The following EGFR variants were observed in gnomAD, a reference collection of about 807,000 sequenced individuals.
EGFR encodes avian erythroblastic leukemia viral (v-erb-b) oncogene homolog.
In EGFR, 58 loss-of-function variants were observed where a neutral mutation model predicts 143.0. The ratio of observed to expected loss-of-function variants is 0.41; its 90% CI spans 0.33 to 0.50. The LOEUF (loss-of-function observed/expected upper bound fraction) is 0.50. Ranked by LOEUF, EGFR falls within the 20% of genes least tolerant of loss-of-function variation. EGFR has a pLI of 0.39. For synonymous variants in EGFR, 613 were observed against 594.4 expected, an observed-to-expected ratio of 1.03 and a Z score of -0.45; for missense variants, 1,307 against 1,579.0, an observed-to-expected ratio of 0.83 and a Z score of 2.92.
At chr7:55,160,045 T>A (rs937340532) in intron 11 of EGFR, 94 bp from the exon 12 acceptor site, 14 of 1,315,264 alleles carry the variant, frequency 1.1e-5, no homozygotes, top group African/African-American at 1.5e-5. Context: ...AAGCAGTTTG[T>A]AGTCAATCAA....
At chr7:55,154,858 T>A (rs1785331674) in intron 7 of EGFR, among the ~76,000 whole-genome samples, 1 of 152,016 alleles carries the variant, frequency 6.6e-6, no homozygotes, top group Admixed American at 6.5e-5. Flanking sequence ...AGAACAATTA[T>A]GAGGGGGAGA....
chr7:55,032,417 A>G (rs1425613493), intron 1 of EGFR, among the ~76,000 whole-genome samples: 2 of 152,188 alleles, frequency 1.3e-5, no homozygotes, highest in East Asian at 3.8e-4. Flanking sequence ...TTTCAAAAAG[A>G]GTTTGCTCCC....
At chr7:55,045,344 T>A (rs1383397156) in intron 1 of EGFR, among the ~76,000 whole-genome samples, 3 of 152,320 alleles carry the variant, frequency 2.0e-5, no homozygotes, top group African/African-American at 7.2e-5. Flanking sequence ...TTAAAATAAA[T>A]TACGTATATT....
chr7:55,185,624 T>G (rs1322935716), intron 20 of EGFR, among the ~76,000 whole-genome samples: 1 of 152,234 alleles, frequency 6.6e-6, no homozygotes, highest in East Asian at 1.9e-4. Flanking sequence ...CATCACCTAA[T>G]GCAGATTACA....
In EGFR at chr7:55,156,836, T is replaced by TAA. The variant is rs747216672; in HGVS notation, c.1207+4_1207+5insAA. The TAA allele has an allele frequency of 6.2e-7, 1 of 1,614,246 alleles. No homozygotes were observed. Among genetic ancestry groups the TAA allele is most frequent in the East Asian group, 2.2e-5 (1 of 44,888 alleles). On this transcript the variant is annotated splice_donor_region_variant and intron_variant, in intron 10 of 27. Transcript: ENST00000275493. ...AAAACCGTAAAGGAAATCACAGGTT[T>TAA]GAGCTGAATTATCACATGAATATAA...
intron 7 of EGFR, among the ~76,000 whole-genome samples, chr7:55,155,059 C>T (rs1219927693): frequency 2.0e-5 from 3 of 152,186 alleles, no homozygotes. Flanking sequence ...ACACTTCGAG[C>T]CTGAGATACC....
At chr7:55,033,753 C>T (rs1362695972) in intron 1 of EGFR, among the ~76,000 whole-genome samples, 2 of 152,164 alleles carry the variant, frequency 1.3e-5, no homozygotes, top group African/African-American at 4.8e-5. Flanking sequence ...CTTTGGTGAC[C>T]ATCCCTTGCC....
intron 20 of EGFR, 106 bp from the exon 21 acceptor site, chr7:55,191,613 C>G (rs1361363660): frequency 9.4e-6 from 14 of 1,497,194 alleles, no homozygotes; most frequent in Non-Finnish European, 1.3e-5. Flanking sequence ...CATAAGTCCT[C>G]GACGTGGAGA....
chr7:55,020,989 G>A (rs1323303435), intron 1 of EGFR, among the ~76,000 whole-genome samples: 1 of 152,014 alleles, frequency 6.6e-6, no homozygotes, highest in Non-Finnish European at 1.5e-5. Flanking sequence ...TTTTTTTAAT[G>A]CTCTTCATGT....
At chr7:55,033,098 T>C (rs147344075) in intron 1 of EGFR, among the ~76,000 whole-genome samples, 18 of 152,332 alleles carry the variant, frequency 1.2e-4, no homozygotes, top group South Asian at 4.1e-4. Flanking sequence ...AAGAATGAGA[T>C]AGGTCAGTGT....
intron 19 of EGFR, among the ~76,000 whole-genome samples, chr7:55,178,334 AT>A: frequency 6.6e-6 from 1 of 152,194 alleles, no homozygotes; most frequent in Non-Finnish European, 1.5e-5. Context: ...TCCAGTTTAA[AT>A]TTAGGGTAGG....
chr7:55,022,248 T>G (rs1004261109), intron 1 of EGFR, among the ~76,000 whole-genome samples: 8 of 152,286 alleles, frequency 5.3e-5, no homozygotes, highest in Admixed American at 1.3e-4. Flanking sequence ...GAAGGGACAC[T>G]GGAAAGTATT....
chr7:55,152,140 A>T (rs1785189439), intron 5 of EGFR, among the ~76,000 whole-genome samples: 1 of 152,174 alleles, frequency 6.6e-6, no homozygotes, highest in Non-Finnish European at 1.5e-5. Context: ...TGTCTGGCTC[A>T]GCCTCTCAGT....
Position 55,157,669 on chromosome 7 carries a change from TG to T in EGFR, c.1215del (p.Leu405PhefsTer2). On this transcript the variant is annotated frameshift_variant, in exon 11 of 28. Transcript: ENST00000275493. LOFTEE classifies it high-confidence loss of function. ...TCTTTCATCTGCCTTACAGGGTTTT[TG>T]CTGATTCAGGCTTGGCCTGAAAACA... ...LKTVKEITGF[L>X]LIQAWPENRT... is the part of the protein sequence containing the mutation. The T allele has an allele frequency of 6.2e-7, 1 of 1,614,242 alleles. No homozygotes were observed. The highest frequency in any genetic ancestry group is 8.5e-7 in the Non-Finnish European group (1 of 1,180,030).
Position 55,142,400 on chromosome 7 carries a change from C to T in EGFR, c.203C>T (p.Thr68Ile), listed in dbSNP as rs2128926385. 6.2e-7 allele frequency: 1 copy of T among 1,614,148 alleles called. No individual in the cohort carries two copies. The highest frequency in any genetic ancestry group is 8.5e-7 in the Non-Finnish European group (1 of 1,180,034). Residue 68 changes from threonine to isoleucine, a missense_variant, in exon 2 of 28, where the codon ACC becomes ATC. Physicochemically the swap from Thr to Ile is moderately conservative, Grantham distance 89 (BLOSUM62 -1). This residue lies in a region of EGFR where 311 missense variants were observed against 412.3 expected (regional missense o/e 0.75). Transcript: ENST00000275493. ...CEVVLGNLEI[T>I]YVQRNYDLSF... Reference sequence around the variant, plus strand: ...GTGGTCCTTGGGAATTTGGAAATTACCTATGTGCAGAGGAATTATGATCTT... The same window carrying T: ...GTGGTCCTTGGGAATTTGGAAATTATCTATGTGCAGAGGAATTATGATCTT...
chr7:55,148,319 C>T (rs1316625775), intron 4 of EGFR, among the ~76,000 whole-genome samples: 3 of 151,786 alleles, frequency 2.0e-5, no homozygotes, highest in African/African-American at 4.8e-5. Context: ...CAGTGTTTGC[C>T]ATGGATCAGG....
At chr7:55,048,263 G>A (rs1788293963) in intron 1 of EGFR, among the ~76,000 whole-genome samples, 1 of 152,158 alleles carries the variant, frequency 6.6e-6, no homozygotes, top group Non-Finnish European at 1.5e-5. Context: ...CATCTGCATG[G>A]GTGACACATA....
At position 55,194,153 on chromosome 7, in the gene EGFR, C is replaced by T. The variant is rs562043918; in HGVS notation, c.2701+1312C>T. Among the ~76,000 whole-genome samples the T allele has an allele frequency of 8.5e-5, 13 of 152,208 alleles. No individual in the cohort carries two copies. The East Asian group carries it at 1.7e-3, about 20-fold the overall frequency. Reference sequence around the variant, plus strand: ...TCCCACTCCAGGCACAGCCCGGTCTCCTGCTGGTCTCCCCTCTTCCCACTT... The same window carrying T: ...TCCCACTCCAGGCACAGCCCGGTCTTCTGCTGGTCTCCCCTCTTCCCACTT... On this transcript the variant is annotated intron_variant, in intron 22 of 27. Transcript: ENST00000275493.
At chr7:55,144,629 C>G (rs1039063563) in intron 3 of EGFR, among the ~76,000 whole-genome samples, 1 of 152,280 alleles carries the variant, frequency 6.6e-6, no homozygotes, top group Non-Finnish European at 1.5e-5. Context: ...TTGTGTGGTT[C>G]CCCCACACCC....
Sources: gnomAD v4.1 joint callset for allele counts (sites outside exome capture counted in the v4.1 genomes callset) on GRCh38, gnomAD v4.1.1 for gene constraint, gnomAD v4.1.1 regional missense constraint, MANE v1.5 for transcripts, NCBI Gene and HGNC (gene_info 2026-07-23, HGNC 2026-07-21) for gene names.